Variants in PEX6 observed in about 807,000 individuals in gnomAD.
The protein encoded by PEX6 is peroxisome biogenesis factor 6.
Under a neutral mutation model 85.6 loss-of-function variants are expected in PEX6, and 55 were observed. The ratio of observed to expected loss-of-function variants is 0.64; its 90% CI spans 0.52 to 0.80. PEX6 has a LOEUF of 0.80. Among genes scored for constraint, PEX6 ranks in the 30% least tolerant of loss-of-function variants. The pLI is 0.00. For synonymous variants in PEX6, 519 were observed against 549.1 expected (o/e 0.95, Z 0.77); for missense variants, 1,099 against 1,260.3 (o/e 0.87, Z 1.94).
At position 42,964,833 on chromosome 6, in the gene PEX6, A is replaced by T; in HGVS notation, c.2763T>A (p.Ala921=). Residue 921 remains alanine (A), a synonymous_variant, in exon 16 of 17, where the codon GCT becomes GCA. Coordinates refer to ENST00000304611, the MANE Select transcript of PEX6 (RefSeq NM_000287.4). This position sits in a 1 kb window ranked among gnomAD's most constrained non-coding sequence, Gnocchi z 4.6. ...GADLYSLCSD[A]MTAALKRRVH... is the part of the protein sequence containing the mutation. ...CCCTGCGTTTGAGGGCAGCTGTCAT[A>T]GCATCAGAGCAGAGAGAGTAGAGGT... 2 of 1,614,134 alleles carry T rather than the reference A, an allele frequency of 1.2e-6. No individual in the cohort carries two copies. Among genetic ancestry groups the T allele is most frequent in the Non-Finnish European group, 1.7e-6 (2 of 1,180,028 alleles).
At chr6:42,968,189 A>G in intron 7 of PEX6, 101 bp downstream of exon 7, 3 of 950,918 alleles carry the variant, frequency 3.2e-6, no homozygotes, top group Non-Finnish European at 5.1e-6. Context: ...AAGGCAGGTG[A>G]TCCACCTGCC....
chr6:42,966,519 C>G lies in PEX6; in HGVS notation c.2094+6G>C. On this transcript the variant is annotated splice_donor_region_variant and intron_variant, in intron 10 of 16. Coordinates refer to ENST00000304611, the MANE Select transcript of PEX6 (RefSeq NM_000287.4). ...CCTGTCCCACCTCCAAGGACTTGGT[C>G]TCCACCTTGGGGGCTCCAACGGCCT... The G allele has an allele frequency of 1.9e-6, 3 of 1,614,164 alleles. No homozygotes were observed. Among genetic ancestry groups the G allele is most frequent in the Non-Finnish European group, 2.5e-6 (3 of 1,180,018 alleles).
chr6:42,974,267 C>A (rs1405842636), intron 2 of PEX6, among the ~76,000 whole-genome samples, 181 bp from the exon 3 acceptor site: 2 of 151,982 alleles, frequency 1.3e-5, no homozygotes, highest in Non-Finnish European at 2.9e-5. Flanking sequence ...GGTGGAGAGA[C>A]TAGAAAGGGG....
rs753014991 is a variant in PEX6, at chr6:42,978,369, G to T, written c.782C>A (p.Pro261Gln). The T allele has an allele frequency of 5.0e-6, 8 of 1,614,158 alleles. No individual in the cohort carries two copies. Among genetic ancestry groups the T allele is most frequent in the Non-Finnish European group, 5.9e-6 (7 of 1,180,032 alleles). The part of the protein sequence containing the change: ...LSDRLGPGSG[P>Q]LGEPLADGLA... Reference sequence around the variant, plus strand: ...TCCGTCAGCGAGGGGCTCTCCCAGCGGTCCAGAGCCGGGTCCCAGTCTATC... The same window carrying T: ...TCCGTCAGCGAGGGGCTCTCCCAGCTGTCCAGAGCCGGGTCCCAGTCTATC... Residue 261 changes from proline (P) to glutamine (Q), a missense_variant, in exon 1 of 17, where the codon CCG (proline) becomes CAG (glutamine). Physicochemically the swap from Pro to Gln is moderately conservative, Grantham distance 76. This residue lies in a region of PEX6 where 579 missense variants were observed against 611.6 expected (regional missense o/e 0.95). Coordinates refer to ENST00000304611, the MANE Select transcript of PEX6 (RefSeq NM_000287.4).
Position 42,974,859 on chromosome 6 carries a change from A to C in PEX6, c.1046+16T>G. 6.2e-7 allele frequency: 1 copy of C among 1,611,444 alleles called. No individual in the cohort carries two copies. The highest frequency in any genetic ancestry group is 8.5e-7 in the Non-Finnish European group (1 of 1,177,602). ...AGGGTGAGAAGCTATCCTCCTTAAAAGGTTAGGTAGCTAACCTGGGTATCT... is the reference window on the plus strand; with the variant it reads ...AGGGTGAGAAGCTATCCTCCTTAAACGGTTAGGTAGCTAACCTGGGTATCT... On this transcript the variant is annotated intron_variant, in intron 2 of 16. Transcript: ENST00000304611.
chr6:42,974,451 G>GGT (rs1770191347), intron 2 of PEX6, among the ~76,000 whole-genome samples: 1 of 61,016 alleles, frequency 1.6e-5, no homozygotes, highest in Non-Finnish European at 3.3e-5. Context: ...TGTTTTTTTT[G>GGT]TTTTTTTTTT....
In PEX6 at chr6:42,969,670, T is replaced by C. The variant is rs759402659; in HGVS notation, c.1365A>G (p.Pro455=). Residue 455 remains proline, a splice_region_variant and synonymous_variant, in exon 5 of 17, where the codon CCA becomes CCG. Coordinates refer to ENST00000304611, the MANE Select transcript of PEX6 (RefSeq NM_000287.4). ...CCTGGGGTGATGACCTCACTCACCC[T>C]GGCTGGAGGCGAGGCTTCAGGACAG... ...LCAVLKPRLQ[P]GGALLTGTSS... is the part of the protein sequence containing the mutation. The C allele has an allele frequency of 6.6e-5, 106 of 1,612,554 alleles. No homozygotes were observed. The highest frequency in any genetic ancestry group is 8.6e-5 in the Non-Finnish European group (102 of 1,180,000).
At position 42,979,147 on chromosome 6, in the gene PEX6, C is replaced by T. The variant is rs748585216; in HGVS notation, c.4G>A (p.Ala2Thr). 1.9e-6 allele frequency: 3 copies of T among 1,578,270 alleles called. No individual in the cohort carries two copies. The highest frequency in any genetic ancestry group is 3.5e-5 in the Admixed American group (2 of 57,268). MALAVLRVLEPF... is the reference protein window; with the variant it reads MTLAVLRVLEPF... ...TCCAGGACCCGCAAGACAGCCAGCG[C>T]CATGGTGACAGGACACCAACGAGGA... The change falls in exon 1 of 17, where the codon GCG becomes ACG. Residue 2 changes from alanine to threonine, a missense_variant. Physicochemically the swap from Ala to Thr is moderately conservative, Grantham distance 58 (BLOSUM62 0). Around this residue, in one of 3 missense-constraint regions of PEX6, gnomAD observed 579 missense variants for 611.6 expected, o/e 0.95. Transcript: ENST00000304611.
chr6:42,969,313 T>G (rs1769971384), intron 5 of PEX6, among the ~76,000 whole-genome samples: 1 of 152,172 alleles, frequency 6.6e-6, no homozygotes, highest in African/African-American at 2.4e-5. Flanking sequence ...GGGATCTGCG[T>G]CCACACCTGG....
intron 8 of PEX6, among the ~76,000 whole-genome samples, chr6:42,967,157 C>T (rs945187005): frequency 2.6e-4 from 39 of 151,904 alleles, no homozygotes; most frequent in Middle Eastern, 3.2e-3. Flanking sequence ...TTAGTAGAGA[C>T]GGGGTTTCTC....
Position 42,965,589 on chromosome 6 carries a change from C to T in PEX6, c.2471+92G>A, listed in dbSNP as rs1258070395. The T allele has an allele frequency of 1.0e-6, 1 of 996,754 alleles. No homozygotes were observed. Among genetic ancestry groups the T allele is most frequent in the African/African-American group, 1.6e-5 (1 of 62,888 alleles). 61.7% of individuals were successfully genotyped at this position (996,754 alleles called of 1,614,324 possible). A position where few individuals can be genotyped will look rare whatever the true frequency, so the allele number is the denominator to read the frequency against. ...TATCTCAGAACTGAAACAGCAGGAA[C>T]TTCTATCTCTGGACTCTGAAGACTG... On this transcript the variant is annotated intron_variant, in intron 13 of 16. Coordinates refer to ENST00000304611, the MANE Select transcript of PEX6 (RefSeq NM_000287.4). The surrounding 1 kb of genome is among the most constrained non-coding windows in gnomAD (Gnocchi z 5.0).
intron 5 of PEX6, 22 bp from the exon 6 acceptor site, chr6:42,969,007 T>C: frequency 2.0e-6 from 3 of 1,528,704 alleles, no homozygotes; most frequent in Non-Finnish European, 2.7e-6. Flanking sequence ...GAACAGACAT[T>C]CGTCTCCTTC....
chr6:42,965,613 TG>T lies in PEX6; in HGVS notation c.2471+67del. On this transcript the variant is annotated intron_variant, in intron 13 of 16. Transcript: ENST00000304611. This position sits in a 1 kb window ranked among gnomAD's most constrained non-coding sequence, Gnocchi z 5.0. ...ACTTCTATCTCTGGACTCTGAAGAC[TG>T]CTGTGAGCTTTCTCATATCCTTCCC... The T allele has an allele frequency of 9.1e-7, 1 of 1,102,942 alleles. No homozygotes were observed. The highest frequency in any genetic ancestry group is 1.4e-6 in the Non-Finnish European group (1 of 713,264). 68.3% of individuals were successfully genotyped at this position (1,102,942 alleles called of 1,614,324 possible).
chr6:42,966,936 A>T, intron 8 of PEX6, 78 bp from the exon 9 acceptor site: 1 of 1,017,986 alleles, frequency 9.8e-7, no homozygotes, highest in Non-Finnish European at 1.5e-6. Context: ...CAGCTAGAGC[A>T]GAGGCCCTCT....
At chr6:42,970,691 A>C (rs1157907353) in intron 3 of PEX6, among the ~76,000 whole-genome samples, 1 of 152,154 alleles carries the variant, frequency 6.6e-6, no homozygotes, top group African/African-American at 2.4e-5. Context: ...TGAATTGTAT[A>C]CTTTAAAAGT....
At chr6:42,969,038 T>A in intron 5 of PEX6, 53 bp from the exon 6 acceptor site, 2 of 1,200,058 alleles carry the variant, frequency 1.7e-6, no homozygotes, top group Non-Finnish European at 2.5e-6. Flanking sequence ...AACATTAGAG[T>A]CCCCAGTAAC....
chr6:42,965,639 C>A lies in PEX6; in HGVS notation c.2471+42G>T. 7.2e-7 allele frequency: 1 copy of A among 1,385,216 alleles called. No homozygotes were observed. Among genetic ancestry groups the A allele is most frequent in the South Asian group, 1.2e-5 (1 of 86,402 alleles). The allele number at this position is 1,385,216 out of a possible 1,614,324, so 85.8% of individuals were successfully genotyped here. A position where few individuals can be genotyped will look rare whatever the true frequency, so the allele number is the denominator to read the frequency against. On this transcript the variant is annotated intron_variant, in intron 13 of 16. Coordinates refer to ENST00000304611, the MANE Select transcript of PEX6 (RefSeq NM_000287.4). The surrounding 1 kb of genome is among the most constrained non-coding windows in gnomAD (Gnocchi z 5.0). ...GCTGTGAGCTTTCTCATATCCTTCC[C>A]ACCCTGGACCCCTCAGCTTTCATTC...
At chr6:42,969,041 C>T in intron 5 of PEX6, 56 bp from the exon 6 acceptor site, 1 of 1,150,624 alleles carries the variant, frequency 8.7e-7, no homozygotes, top group Non-Finnish European at 1.3e-6. Flanking sequence ...ATTAGAGTCC[C>T]CAGTAACACA....
chr6:42,969,347 C>T (rs866726655), intron 5 of PEX6, among the ~76,000 whole-genome samples: 14 of 152,158 alleles, frequency 9.2e-5, no homozygotes, highest in Non-Finnish European at 1.9e-4. Context: ...GGAGTTGTGT[C>T]CTTCAGGGCC....
Sources: gnomAD v4.1 joint callset for allele counts (sites outside exome capture counted in the v4.1 genomes callset) on GRCh38, gnomAD v4.1.1 for gene constraint, gnomAD v4.1.1 regional missense constraint, Gnocchi (gnomAD v3.1) non-coding constraint, MANE v1.5 for transcripts, NCBI Gene and HGNC (gene_info 2026-07-23, HGNC 2026-07-21) for gene names.